Variants in CLUL1 observed in about 807,000 individuals in gnomAD.
CLUL1 encodes the protein clusterin like 1.
Under a neutral mutation model 49.4 loss-of-function variants are expected in CLUL1, and 43 were observed. The ratio of observed to expected loss-of-function variants is 0.87; its 90% confidence interval spans 0.68 to 1.12. The LOEUF is 1.12. Ranked by LOEUF, CLUL1 falls within the 50% of genes most tolerant of loss-of-function variation. CLUL1 has a pLI of 0.00. For missense variants in CLUL1, 486 were observed against 544.4 expected, an observed-to-expected ratio of 0.89 and a Z score of 1.07; for synonymous variants, 192 against 184.9, an observed-to-expected ratio of 1.04 and a Z score of -0.31.
intron 1 of CLUL1, among the ~76,000 whole-genome samples, 194 bp downstream of exon 1, chr18:597,323 CA>C (rs148146838): frequency 0.11 from 16,208 of 152,236 alleles, 997 homozygotes; most frequent in East Asian, 0.24. Context: ...AGGCTGCCAG[CA>C]AAACTCAGGC....
chr18:627,645 A>G (rs2073849320), intron 6 of CLUL1, 116 bp downstream of exon 6: 1 of 700,186 alleles, frequency 1.4e-6, no homozygotes, highest in Non-Finnish European at 2.3e-6. Flanking sequence ...TGAAGAGACA[A>G]TTTATGGAAA....
At position 633,356 on chromosome 18, in the gene CLUL1, T is replaced by C; in HGVS notation, c.915T>C (p.Cys305=). The C allele has an allele frequency of 6.2e-7, 1 of 1,613,856 alleles. No individual in the cohort carries two copies. Reference sequence around the variant, plus strand: ...TACCTGGGCAGGACAGAGGACTGTGTGGGGAACTTGACCAGAATTTGTCAA... The same window carrying C: ...TACCTGGGCAGGACAGAGGACTGTGCGGGGAACTTGACCAGAATTTGTCAA... ...KMLPGQDRGL[C]GELDQNLSRC... The change falls in exon 7 of 10, where the codon TGT becomes TGC. Residue 305 remains cysteine, a synonymous_variant. Transcript: ENST00000692774.
Position 626,860 on chromosome 18 carries a change from C to A in CLUL1, c.424-237C>A, listed in dbSNP as rs545371583. The stretch of plus-strand genomic sequence containing the variant: ...TGAGTGACAGAGCAAGACTCCATCT[C>A]AAATAAGAAAGAAAGAAAGAAAGAA... On this transcript the variant is annotated intron_variant, in intron 5 of 9. Coordinates refer to ENST00000692774, the MANE Select transcript of CLUL1 (RefSeq NM_001393344.1). 2.0e-3 allele frequency among the ~76,000 whole-genome samples: 199 copies of A among 100,800 alleles called. 10 individuals carry two copies. Among genetic ancestry groups the A allele is most frequent in the Non-Finnish European group, 3.1e-3 (150 of 48,230 alleles). The allele number at this position is 100,800 out of a possible 152,430, so 66.1% of individuals were successfully genotyped here. A position where few individuals can be genotyped will look rare whatever the true frequency, so the allele number is the denominator to read the frequency against.
chr18:623,404 G>A (rs2073566703), intron 4 of CLUL1, among the ~76,000 whole-genome samples: 1 of 152,058 alleles, frequency 6.6e-6, no homozygotes, highest in Non-Finnish European at 1.5e-5. Context: ...CAGCACTTTG[G>A]GAGGTCAACC....
intron 1 of CLUL1, among the ~76,000 whole-genome samples, chr18:604,250 G>C (rs1382844221): frequency 2.0e-5 from 3 of 152,204 alleles, no homozygotes; most frequent in African/African-American, 7.2e-5. Flanking sequence ...CCTTCCAGTT[G>C]CTGAGTAGTA....
chr18:638,193 G>A (rs980348176), intron 7 of CLUL1, among the ~76,000 whole-genome samples: 1 of 152,076 alleles, frequency 6.6e-6, no homozygotes, highest in East Asian at 1.9e-4. Context: ...ACAGTTGCAA[G>A]GTTATATACA....
rs774695761 is a variant in CLUL1 at position 624,995 on chromosome 18, C to CA, written c.388dup (p.Thr130AsnfsTer5). 8.1e-6 allele frequency: 13 copies of CA among 1,614,010 alleles called. No individual in the cohort carries two copies. The South Asian group carries it at 1.4e-4, about 18-fold the overall frequency. ...GAAAATAACTGCATGAGAATTTATA[C>CA]AACCTGCCAACCTAGCTGGTCCTCT... On this transcript the variant is annotated frameshift_variant, in exon 5 of 10. Coordinates refer to ENST00000692774, the MANE Select transcript of CLUL1 (RefSeq NM_001393344.1). LOFTEE classifies it high-confidence loss of function.
intron 2 of CLUL1, chr18:614,821 CAGTATAT>C (rs2073244375): frequency 6.6e-6 from 1 of 152,222 alleles, no homozygotes; most frequent in African/African-American, 2.4e-5. Flanking sequence ...ACAGCCTGAG[CAGTATAT>C]AGGCTTCCTA....
At chr18:638,572 A>G (rs775444152) in intron 7 of CLUL1, among the ~76,000 whole-genome samples, 1 of 152,166 alleles carries the variant, frequency 6.6e-6, no homozygotes, top group Non-Finnish European at 1.5e-5. Context: ...AGAATGATGT[A>G]ATAGGCCAGC....
At chr18:624,007 G>T (rs1300221027) in intron 4 of CLUL1, among the ~76,000 whole-genome samples, 3 of 152,160 alleles carry the variant, frequency 2.0e-5, no homozygotes, top group African/African-American at 7.2e-5. Flanking sequence ...AGGGGGCTGG[G>T]GTTCAGAAGT....
At chr18:646,040 A>G (rs1000495655) in intron 9 of CLUL1, among the ~76,000 whole-genome samples, 1 of 151,530 alleles carries the variant, frequency 6.6e-6, no homozygotes, top group African/African-American at 2.4e-5. Context: ...ATTTTTCAGA[A>G]AAAGATCCTG....
chr18:644,867 T>C (rs1308273354), intron 8 of CLUL1, 43 bp from the exon 9 acceptor site: 1 of 1,472,328 alleles, frequency 6.8e-7, no homozygotes. Flanking sequence ...TGAATGTGTA[T>C]TGGGATTTAG....
chr18:611,924 G>A (rs372017345), intron 2 of CLUL1, among the ~76,000 whole-genome samples: 60 of 152,128 alleles, frequency 3.9e-4, no homozygotes, highest in African/African-American at 1.1e-3. Context: ...ACTCTGCCCC[G>A]GCCTTTCTCA....
chr18:636,624 CT>C (rs68150473), intron 7 of CLUL1, among the ~76,000 whole-genome samples: 28,713 of 121,072 alleles, frequency 0.24, 1,540 homozygotes, highest in Non-Finnish European at 0.25. Context: ...CCCTTTCTCT[CT>C]TTTTTTTTTT....
At chr18:633,808 CA>C (rs2074058538) in intron 7 of CLUL1, among the ~76,000 whole-genome samples, 1 of 23,946 alleles carries the variant, frequency 4.2e-5, no homozygotes, top group Non-Finnish European at 1.1e-4. Context: ...CGGAATGAAT[CA>C]GGGCGGAGCG....
intron 3 of CLUL1, 25 bp from the exon 4 acceptor site, chr18:619,188 G>T: frequency 6.2e-7 from 1 of 1,606,746 alleles, no homozygotes; most frequent in Non-Finnish European, 8.5e-7. Flanking sequence ...AGATCTCAAA[G>T]AAAAAATTGC....
intron 1 of CLUL1, among the ~76,000 whole-genome samples, chr18:605,560 C>A (rs1381551315): frequency 8.6e-5 from 13 of 151,428 alleles, no homozygotes; most frequent in African/African-American, 2.7e-4. Flanking sequence ...CAGAATGAGA[C>A]CTTGTCTCAA....
intron 2 of CLUL1, among the ~76,000 whole-genome samples, chr18:614,320 AG>A (rs2073227735): frequency 8.2e-6 from 1 of 122,582 alleles, no homozygotes; most frequent in African/African-American, 2.9e-5. Context: ...GAAGGGAGGG[AG>A]GGAAGGAAGG....
intron 2 of CLUL1, among the ~76,000 whole-genome samples, chr18:612,210 G>A (rs1598413293): frequency 6.6e-6 from 1 of 152,134 alleles, no homozygotes; most frequent in East Asian, 1.9e-4. Context: ...GTTGCCCTTT[G>A]GGAAATCCTC....
Sources: allele counts gnomAD v4.1 joint callset (sites outside exome capture counted in the v4.1 genomes callset), GRCh38; gene constraint gnomAD v4.1.1; transcripts MANE v1.5; gene names NCBI Gene and HGNC (gene_info 2026-07-23, HGNC 2026-07-21).